CDKL3: variants seen among roughly 807,000 people sequenced by gnomAD.
The protein encoded by CDKL3 is cyclin-dependent kinase-like 3.
In CDKL3, 65 loss-of-function variants were observed where a neutral mutation model predicts 69.3. The ratio of observed to expected loss-of-function variants is 0.94; its 90% confidence interval spans 0.77 to 1.15. The LOEUF (loss-of-function observed/expected upper bound fraction) is 1.15. Among genes scored for constraint, CDKL3 ranks in the 50% most tolerant of loss-of-function variants. CDKL3 has a pLI of 0.00. For synonymous variants in CDKL3, 202 were observed against 221.6 expected, an observed-to-expected ratio of 0.91 and a Z score of 0.79; for missense variants, 652 against 689.2, an observed-to-expected ratio of 0.95 and a Z score of 0.61.
At position 134,325,717 on chromosome 5, in the gene CDKL3, C is replaced by T. The variant is rs75256254; in HGVS notation, c.540-3814G>A. Among the ~76,000 whole-genome samples, 568 of 151,746 alleles carry T rather than the reference C, an allele frequency of 3.7e-3. 23 individuals carry two copies. The East Asian group carries it at 0.098, about 26-fold the overall frequency. ...GATGTCTAATAAAGATGACCTTTTG[C>T]ATTTAAAAAAAACTCTCAAGCTTTA... On this transcript the variant is annotated intron_variant, in intron 4 of 12. Transcript: ENST00000265334.
At chr5:134,286,822 C>T (rs1262161384) in intron 8 of CDKL3, among the ~76,000 whole-genome samples, 1 of 152,176 alleles carries the variant, frequency 6.6e-6, no homozygotes, top group Non-Finnish European at 1.5e-5. Context: ...GTCCCTCCTA[C>T]AACACGTGGG....
In CDKL3 at chr5:134,308,462, A is replaced by G. The variant is rs758782780; in HGVS notation, c.1040T>C (p.Ile347Thr). The change falls in exon 9 of 13, where the codon ATA becomes ACA. Residue 347 changes from isoleucine (I) to threonine (T), a missense_variant. Ile to Thr is a moderately conservative substitution (Grantham distance 89, BLOSUM62 -1). Transcript: ENST00000265334. ...LLSSSVLGKEIEKEKKPKEIK... is the reference protein window; with the variant it reads ...LLSSSVLGKETEKEKKPKEIK... ...CTCCTTGGGCTTTTTCTCTTTTTCT[A>G]TTTCCTGGAATAGATACATCCAAAA... 6 of 1,596,100 alleles carry G rather than the reference A, an allele frequency of 3.8e-6. No homozygotes were observed. In the Admixed American group the frequency reaches 7.0e-5, roughly 19 times the overall value.
chr5:134,289,196 G>T (rs992079484), intron 8 of CDKL3, among the ~76,000 whole-genome samples: 1 of 132,514 alleles, frequency 7.5e-6, no homozygotes, highest in African/African-American at 2.8e-5. Context: ...GAAAGAAAAA[G>T]AAAAGAAAAA....
downstream of CDKL3, among the ~76,000 whole-genome samples, chr5:134,285,422 C>T (rs1162859210): frequency 1.1e-4 from 16 of 152,252 alleles, no homozygotes; most frequent in Admixed American, 1.0e-3. Context: ...GCTGCCAAGG[C>T]TTGGGGCTTG....
Position 134,326,864 on chromosome 5 carries a change from T to C in CDKL3, c.540-4961A>G, listed in dbSNP as rs866446430. On this transcript the variant is annotated intron_variant, in intron 4 of 12. Coordinates refer to ENST00000265334, the MANE Select transcript of CDKL3 (RefSeq NM_001113575.2). ...ATATATATATATATATATATATATATATACACACACACACATAGTCCTTAT... is the reference window on the plus strand; with the variant it reads ...ATATATATATATATATATATATATACATACACACACACACATAGTCCTTAT... Among the ~76,000 whole-genome samples the C allele has an allele frequency of 1.9e-3, 186 of 97,994 alleles. 1 individual carries two copies. Among genetic ancestry groups the C allele is most frequent in the African/African-American group, 0.01 (157 of 15,642 alleles). 64.3% of individuals were successfully genotyped at this position (97,994 alleles called of 152,430 possible). A position where few individuals can be genotyped will look rare whatever the true frequency, so the allele number is the denominator to read the frequency against.
In CDKL3 at chr5:134,365,032, G is replaced by C. The variant is rs2149671379; in HGVS notation, c.165+1327C>G. ...GAGTCTTGCTCTGTCGCCCAGGCTG[G>C]AGTGCAGTGGCGCTGTCTTGGCTCA... On this transcript the variant is annotated intron_variant, in intron 2 of 12. Transcript: ENST00000265334. Among the ~76,000 whole-genome samples the C allele has an allele frequency of 2.0e-5, 3 of 151,234 alleles. No individual in the cohort carries two copies. In the South Asian group the frequency reaches 6.3e-4, roughly 32 times the overall value.
chr5:134,329,134 A>C (rs1775110636), intron 4 of CDKL3, among the ~76,000 whole-genome samples: 1 of 152,188 alleles, frequency 6.6e-6, no homozygotes, highest in African/African-American at 2.4e-5. Context: ...TGAGGACAGG[A>C]GTTCGAGACC....
chr5:134,328,224 A>ATC (rs1561567082), intron 4 of CDKL3, among the ~76,000 whole-genome samples: 1 of 152,244 alleles, frequency 6.6e-6, no homozygotes, highest in Non-Finnish European at 1.5e-5. Context: ...CAAAATAACA[A>ATC]TTATGAATAT....
chr5:134,332,222 A>T (rs1271248666), intron 4 of CDKL3, among the ~76,000 whole-genome samples: 1 of 151,986 alleles, frequency 6.6e-6, no homozygotes, highest in Non-Finnish European at 1.5e-5. Context: ...GATTGCAAAA[A>T]TTTTCTCCCA....
rs1252834564 is a variant in CDKL3 at position 134,366,380 on chromosome 5, C to A, written c.144G>T (p.Met48Ile). The A allele has an allele frequency of 6.3e-7, 1 of 1,578,184 alleles. No individual in the cohort carries two copies. The highest frequency in any genetic ancestry group is 8.6e-7 in the Non-Finnish European group (1 of 1,165,464). ...RPEQSVNKIA[M>I]REIKFLKQFH... ...AAACCTTTAGAAACTTTATTTCTCT[C>A]ATCGCAATTTTGTTGACAGATTGTT... is the stretch of plus-strand genomic sequence containing the variant. The change falls in exon 2 of 13, where the codon ATG becomes ATT. Residue 48 changes from methionine to isoleucine, a missense_variant. Transcript: ENST00000265334.
intron 11 of CDKL3, 121 bp downstream of exon 11, chr5:134,304,284 A>G (rs1767148240): frequency 1.3e-6 from 1 of 749,680 alleles, no homozygotes; most frequent in East Asian, 2.9e-5. Context: ...ATCAGCTGAA[A>G]TGTTTTCCTC....
intron 4 of CDKL3, among the ~76,000 whole-genome samples, chr5:134,331,501 T>C (rs1194526899): frequency 6.6e-6 from 1 of 151,954 alleles, no homozygotes; most frequent in Non-Finnish European, 1.5e-5. Context: ...TTCCCCTCCC[T>C]GTGTCCATGT....
intron 2 of CDKL3, among the ~76,000 whole-genome samples, chr5:134,364,343 T>A (rs1275903551): frequency 6.6e-6 from 1 of 152,192 alleles, no homozygotes; most frequent in Non-Finnish European, 1.5e-5. Context: ...CTACTGGTAA[T>A]CTTTACTTAA....
At chr5:134,295,699 C>T (rs558017803), downstream of CDKL3, among the ~76,000 whole-genome samples, 1 of 152,138 alleles carries the variant, frequency 6.6e-6, no homozygotes, top group South Asian at 2.1e-4. Flanking sequence ...TTTCATGTTT[C>T]TTTAGTAAAT....
chr5:134,359,720 T>C (rs546164364), intron 3 of CDKL3, among the ~76,000 whole-genome samples, 177 bp downstream of exon 3: 2 of 152,226 alleles, frequency 1.3e-5, no homozygotes, highest in Non-Finnish European at 2.9e-5. Context: ...GTGCTCAATA[T>C]TTTTTGGTTC....
At chr5:134,331,709 A>C (rs919411378) in intron 4 of CDKL3, among the ~76,000 whole-genome samples, 1 of 152,100 alleles carries the variant, frequency 6.6e-6, no homozygotes, top group Non-Finnish European at 1.5e-5. Context: ...TTATTGATGG[A>C]CATTTGGGTT....
chr5:134,294,208 T>G (rs919488092), downstream of CDKL3, among the ~76,000 whole-genome samples: 2 of 152,172 alleles, frequency 1.3e-5, no homozygotes, highest in African/African-American at 4.8e-5. Context: ...TGGTTTAACA[T>G]TCAAATTTCA....
intron 3 of CDKL3, among the ~76,000 whole-genome samples, chr5:134,356,221 A>G (rs1017481184): frequency 6.6e-6 from 1 of 152,194 alleles, no homozygotes; most frequent in African/African-American, 2.4e-5. Flanking sequence ...CCTTGCATGC[A>G]CAGTTCAGAG....
downstream of CDKL3, among the ~76,000 whole-genome samples, chr5:134,297,269 A>G (rs1289945460): frequency 6.6e-6 from 1 of 151,980 alleles, no homozygotes; most frequent in Non-Finnish European, 1.5e-5. Context: ...GATTTTTCTT[A>G]CAGCCTAGGA....
Sources: gnomAD v4.1 joint callset for allele counts (sites outside exome capture counted in the v4.1 genomes callset) on GRCh38, gnomAD v4.1.1 for gene constraint, MANE v1.5 for transcripts, NCBI Gene and HGNC (gene_info 2026-07-23, HGNC 2026-07-21) for gene names.